Variants in ATF1 observed in about 807,000 individuals in gnomAD.
ATF1 encodes the protein activating transcription factor 1.
Under a neutral mutation model 34.7 loss-of-function variants are expected in ATF1, and 16 were observed. That is an observed-to-expected ratio of 0.46 (90% CI 0.31 to 0.70). ATF1 has a LOEUF of 0.70. Ranked by LOEUF, ATF1 falls within the 30% of genes least tolerant of loss-of-function variation. ATF1 has a pLI of 0.05. For synonymous variants in ATF1, 105 were observed against 113.1 expected (o/e 0.93, Z 0.46); for missense variants, 255 against 321.6 (o/e 0.79, Z 1.58).
At chr12:50,774,697 A>G (rs1940867258) in intron 1 of ATF1, among the ~76,000 whole-genome samples, 1 of 152,102 alleles carries the variant, frequency 6.6e-6, no homozygotes, top group Admixed American at 6.6e-5. Flanking sequence ...GTTGTTTATG[A>G]GATGAAACTA....
chr12:50,797,938 G>A (rs974795607), intron 3 of ATF1, among the ~76,000 whole-genome samples: 2 of 152,074 alleles, frequency 1.3e-5, no homozygotes, highest in African/African-American at 4.8e-5. Flanking sequence ...AGCACTTTGG[G>A]AGGCCGAGGC....
intron 3 of ATF1, among the ~76,000 whole-genome samples, chr12:50,806,996 A>G (rs1941628611): frequency 1.3e-5 from 2 of 152,236 alleles, no homozygotes; most frequent in Admixed American, 1.3e-4. Context: ...CAAACTGGAG[A>G]AGGATCTTCA....
chr12:50,768,117 C>T (rs1940683935), intron 1 of ATF1, among the ~76,000 whole-genome samples: 1 of 152,152 alleles, frequency 6.6e-6, no homozygotes, highest in African/African-American at 2.4e-5. Context: ...AGGTGATCCA[C>T]CTGCCTCAGC....
chr12:50,784,483 T>A (rs948039231), intron 2 of ATF1, among the ~76,000 whole-genome samples: 12 of 152,134 alleles, frequency 7.9e-5, no homozygotes, highest in African/African-American at 2.9e-4. Flanking sequence ...GTGCTTGATA[T>A]GGTCAAGGAA....
intron 1 of ATF1, among the ~76,000 whole-genome samples, chr12:50,765,684 T>C (rs780875894): frequency 1.3e-5 from 2 of 152,104 alleles, no homozygotes; most frequent in Non-Finnish European, 2.9e-5. Context: ...CAGCACAAAA[T>C]ACAGGTCATG....
intron 6 of ATF1, among the ~76,000 whole-genome samples, chr12:50,816,527 C>G (rs1409816502): frequency 1.3e-5 from 2 of 152,116 alleles, no homozygotes; most frequent in Non-Finnish European, 2.9e-5. Flanking sequence ...CTGACTTGAT[C>G]GCTACACATT....
upstream of ATF1, chr12:50,764,074 C>T (rs1292089517): frequency 2.0e-5 from 3 of 151,586 alleles, no homozygotes; most frequent in Admixed American, 2.0e-4. Flanking sequence ...CCGCCCCCGC[C>T]CCCAGGCTTG....
rs113351763 is a variant in ATF1 at position 50,791,110 on chromosome 12, T to G, written c.94-4799T>G. 1.4e-4 allele frequency among the ~76,000 whole-genome samples: 21 copies of G among 152,276 alleles called. 1 individual carries two copies. The highest frequency in any genetic ancestry group is 4.6e-4 in the African/African-American group (19 of 41,564). Reference sequence around the variant, plus strand: ...AAGAATTTGGTCAGTTAGAATGGCATTGTTTGTGCTACAAATGGAGTTTAC... The same window carrying G: ...AAGAATTTGGTCAGTTAGAATGGCAGTGTTTGTGCTACAAATGGAGTTTAC... On this transcript the variant is annotated intron_variant, in intron 2 of 6. Transcript: ENST00000262053.
intron 1 of ATF1, among the ~76,000 whole-genome samples, chr12:50,773,829 A>G (rs1052912458): frequency 7.9e-5 from 12 of 151,286 alleles, no homozygotes; most frequent in African/African-American, 2.7e-4. Context: ...ACCTCAAGTG[A>G]TCTGCCCGCC....
chr12:50,776,826 C>G (rs1408511126), intron 1 of ATF1, among the ~76,000 whole-genome samples: 1 of 152,052 alleles, frequency 6.6e-6, no homozygotes, highest in Admixed American at 6.6e-5. Context: ...GTAAAAAATA[C>G]AATTTATGCA....
At chr12:50,765,313 T>C (rs977582180) in intron 1 of ATF1, among the ~76,000 whole-genome samples, 1 of 152,212 alleles carries the variant, frequency 6.6e-6, no homozygotes, top group Admixed American at 6.5e-5. Context: ...GTTTATCATA[T>C]GCAGTTATCT....
intron 3 of ATF1, among the ~76,000 whole-genome samples, chr12:50,808,662 T>G (rs1941667675): frequency 6.6e-6 from 1 of 151,956 alleles, no homozygotes; most frequent in African/African-American, 2.4e-5. Flanking sequence ...GTAATCAGCC[T>G]GGAGCACATC....
At chr12:50,811,953 A>G (rs1941746362) in intron 4 of ATF1, among the ~76,000 whole-genome samples, 1 of 152,222 alleles carries the variant, frequency 6.6e-6, no homozygotes. Flanking sequence ...TTCGTATGAT[A>G]ATGGGAATGT....
At chr12:50,793,247 T>C (rs570037844) in intron 2 of ATF1, among the ~76,000 whole-genome samples, 2 of 152,284 alleles carry the variant, frequency 1.3e-5, no homozygotes, top group Admixed American at 6.5e-5. Context: ...TTCCTTAGTT[T>C]TACAATTTAT....
intron 3 of ATF1, among the ~76,000 whole-genome samples, 198 bp downstream of exon 3, chr12:50,796,207 C>CTG (rs1235132139): frequency 6.6e-6 from 1 of 151,604 alleles, no homozygotes; most frequent in Non-Finnish European, 1.5e-5. Flanking sequence ...CCAGCCTGGG[C>CTG]AACATGGCAA....
In ATF1 at chr12:50,784,300, T is replaced by TATCA. The variant is rs1425667374; in HGVS notation, c.93+4063_93+4066dup. ...TTTTGGAGAGACAGGCAACAAAACCTATCAGTTGGTAATATGTGCCATGGA... is the reference window on the plus strand; with the variant it reads ...TTTTGGAGAGACAGGCAACAAAACCTATCAATCAGTTGGTAATATGTGCCATGGA... On this transcript the variant is annotated intron_variant, in intron 2 of 6. Transcript: ENST00000262053. Among the ~76,000 whole-genome samples the TATCA allele has an allele frequency of 3.9e-5, 6 of 152,206 alleles. No homozygotes were observed. The East Asian group carries it at 1.2e-3, about 29-fold the overall frequency.
At chr12:50,814,232 G>C (rs1424320342) in intron 5 of ATF1, 40 bp downstream of exon 5, 1 of 1,613,474 alleles carries the variant, frequency 6.2e-7, no homozygotes, top group East Asian at 2.2e-5. Context: ...TCCTAACACT[G>C]TCAGAGACAC....
At chr12:50,810,379 G>A (rs1280425069) in intron 4 of ATF1, among the ~76,000 whole-genome samples, 1 of 151,332 alleles carries the variant, frequency 6.6e-6, no homozygotes, top group Non-Finnish European at 1.5e-5. Context: ...CACTTCGCTT[G>A]GCTAATTTTT....
intron 3 of ATF1, among the ~76,000 whole-genome samples, chr12:50,804,291 CT>C (rs1217023631): frequency 1.3e-5 from 2 of 152,108 alleles, no homozygotes; most frequent in Non-Finnish European, 2.9e-5. Flanking sequence ...TAAGGAAAAT[CT>C]GCAGAGATAA....
Sources: gnomAD v4.1 joint callset for allele counts (sites outside exome capture counted in the v4.1 genomes callset) on GRCh38, gnomAD v4.1.1 for gene constraint, MANE v1.5 for transcripts, NCBI Gene and HGNC (gene_info 2026-07-23, HGNC 2026-07-21) for gene names.